The following PLA2G12B variants were observed in gnomAD, a reference collection of about 807,000 sequenced individuals.
PLA2G12B encodes the protein group XIIB secretory phospholipase A2-like protein.
Under a neutral mutation model 22.3 loss-of-function variants are expected in PLA2G12B, and 19 were observed. The ratio of observed to expected loss-of-function variants is 0.85; its 90% CI spans 0.60 to 1.25. The LOEUF (loss-of-function observed/expected upper bound fraction) is 1.25, where lower values mean the gene tolerates loss of function less well. PLA2G12B is among the 50% of genes most tolerant of loss of function. The pLI is 0.00. For synonymous variants in PLA2G12B, 81 were observed against 94.9 expected (o/e 0.85, Z 0.85); for missense variants, 191 against 246.6 (o/e 0.77, Z 1.51).
intron 1 of PLA2G12B, among the ~76,000 whole-genome samples, chr10:72,951,030 T>C (rs2132981113): frequency 6.6e-6 from 1 of 152,352 alleles, no homozygotes; most frequent in South Asian, 2.1e-4. Context: ...TAGAAGAATC[T>C]GAATGCAATT....
intron 1 of PLA2G12B, among the ~76,000 whole-genome samples, chr10:72,945,677 T>A (rs1846429373): frequency 6.6e-6 from 1 of 151,772 alleles, no homozygotes; most frequent in South Asian, 2.1e-4. Flanking sequence ...AGATGGAATC[T>A]CGCTCTGTTG....
chr10:72,943,080 C>T (rs1846387870), intron 1 of PLA2G12B, among the ~76,000 whole-genome samples: 1 of 151,898 alleles, frequency 6.6e-6, no homozygotes, highest in African/African-American at 2.4e-5. Flanking sequence ...ATTCTCCTGC[C>T]TCAGCCTCCC....
intron 1 of PLA2G12B, among the ~76,000 whole-genome samples, chr10:72,949,912 G>A (rs780107820): frequency 3.0e-4 from 46 of 152,274 alleles, no homozygotes; most frequent in Admixed American, 6.5e-4. Context: ...GGAAGGCGGA[G>A]GTTGCAGTGA....
intron 1 of PLA2G12B, 83 bp downstream of exon 1, chr10:72,954,392 T>A: frequency 6.4e-7 from 1 of 1,558,228 alleles, no homozygotes; most frequent in Non-Finnish European, 8.8e-7. Context: ...CAGGAAAAAG[T>A]GCAAGACAGA....
In PLA2G12B at chr10:72,943,452, A is replaced by G. The variant is rs557953951; in HGVS notation, c.212-712T>C. On this transcript the variant is annotated intron_variant, in intron 1 of 3. Transcript: ENST00000373032. Reference sequence around the variant, plus strand: ...GAATCCGAATTGTAGCAGCACCACAAAAGGGTTTAACTTGCAGGAAATTCA... The same window carrying G: ...GAATCCGAATTGTAGCAGCACCACAGAAGGGTTTAACTTGCAGGAAATTCA... Among the ~76,000 whole-genome samples the G allele has an allele frequency of 3.3e-5, 5 of 152,324 alleles. No homozygotes were observed. The East Asian group carries it at 9.6e-4, about 29-fold the overall frequency.
At chr10:72,940,367 A>G (rs1846340096) in intron 3 of PLA2G12B, among the ~76,000 whole-genome samples, 1 of 152,194 alleles carries the variant, frequency 6.6e-6, no homozygotes, top group Admixed American at 6.5e-5. Flanking sequence ...ATTAGGAAAA[A>G]GAAATTATAG....
chr10:72,951,452 C>CTT lies in PLA2G12B; in HGVS notation c.211+3021_211+3022dup, dbSNP rs71482537. On this transcript the variant is annotated intron_variant, in intron 1 of 3. Transcript: ENST00000373032. ...ATCTTGTTTGCATTGGCACAGACTC[C>CTT]TTTTTTTTTTTTTTTTTTTTTTTGA... Among the ~76,000 whole-genome samples, 958 of 116,952 alleles carry CTT rather than the reference C, an allele frequency of 8.2e-3. 25 individuals are homozygous for CTT. Among genetic ancestry groups the CTT allele is most frequent in the African/African-American group, 0.029 (703 of 24,574 alleles). 76.7% of individuals were successfully genotyped at this position (116,952 alleles called of 152,430 possible). A position where few individuals can be genotyped will look rare whatever the true frequency, so the allele number is the denominator to read the frequency against.
chr10:72,947,874 T>C (rs971131047), intron 1 of PLA2G12B, among the ~76,000 whole-genome samples: 1 of 152,198 alleles, frequency 6.6e-6, no homozygotes. Flanking sequence ...TTGTCTTCTC[T>C]TCTTTCTCTT....
At chr10:72,950,018 T>G (rs1444836330) in intron 1 of PLA2G12B, among the ~76,000 whole-genome samples, 2 of 149,610 alleles carry the variant, frequency 1.3e-5, no homozygotes, top group Admixed American at 1.3e-4. Flanking sequence ...GAAAGAAAGG[T>G]ATGTCCTCCT....
chr10:72,951,567 C>T (rs953225583), intron 1 of PLA2G12B, among the ~76,000 whole-genome samples: 1 of 150,566 alleles, frequency 6.6e-6, no homozygotes, highest in Non-Finnish European at 1.5e-5. Flanking sequence ...ACACCATTCT[C>T]CTGCCTCAGC....
intron 1 of PLA2G12B, among the ~76,000 whole-genome samples, chr10:72,946,155 A>G (rs1261594910): frequency 6.6e-6 from 1 of 152,098 alleles, no homozygotes; most frequent in Non-Finnish European, 1.5e-5. Context: ...CACCTCTCCC[A>G]TCTCCCTACC....
intron 2 of PLA2G12B, among the ~76,000 whole-genome samples, chr10:72,942,059 G>A (rs1158225535): frequency 6.6e-6 from 1 of 151,894 alleles, no homozygotes; most frequent in African/African-American, 2.4e-5. Flanking sequence ...CAAGGTGGGT[G>A]GATCACTTGA....
chr10:72,948,157 T>G (rs1181726053), intron 1 of PLA2G12B, among the ~76,000 whole-genome samples: 1 of 152,186 alleles, frequency 6.6e-6, no homozygotes, highest in African/African-American at 2.4e-5. Context: ...GTTACAGGTG[T>G]GAGCCACCTT....
intron 1 of PLA2G12B, among the ~76,000 whole-genome samples, chr10:72,952,184 T>C (rs767702042): frequency 1.7e-4 from 26 of 152,218 alleles, no homozygotes; most frequent in Non-Finnish European, 3.5e-4. Context: ...TTTTAAATAG[T>C]AGTTAGTACC....
At chr10:72,936,248 C>T (rs1394679409) in intron 3 of PLA2G12B, among the ~76,000 whole-genome samples, 1 of 152,162 alleles carries the variant, frequency 6.6e-6, no homozygotes, top group Non-Finnish European at 1.5e-5. Flanking sequence ...AAGTACTCCA[C>T]AGTTTGGATA....
At chr10:72,946,089 C>T (rs114782657) in intron 1 of PLA2G12B, among the ~76,000 whole-genome samples, 183 of 152,248 alleles carry the variant, frequency 1.2e-3, no homozygotes, top group African/African-American at 4.2e-3. Context: ...CCAGTCAACA[C>T]CATAATCTAA....
intron 1 of PLA2G12B, among the ~76,000 whole-genome samples, chr10:72,947,219 C>A (rs1417318321): frequency 6.6e-6 from 1 of 151,712 alleles, no homozygotes. Context: ...GCCACTGTGC[C>A]CTGCTTCTTT....
At chr10:72,951,694 C>G (rs1846534252) in intron 1 of PLA2G12B, among the ~76,000 whole-genome samples, 1 of 152,040 alleles carries the variant, frequency 6.6e-6, no homozygotes, top group Non-Finnish European at 1.5e-5. Context: ...CTCCTGACAT[C>G]GTGATCTGCC....
At chr10:72,938,734 G>T (rs1331138981) in intron 3 of PLA2G12B, among the ~76,000 whole-genome samples, 1 of 152,114 alleles carries the variant, frequency 6.6e-6, no homozygotes, top group African/African-American at 2.4e-5. Context: ...TGTTAAGATG[G>T]CAATATTCTC....
Sources: gnomAD v4.1 joint callset for allele counts (sites outside exome capture counted in the v4.1 genomes callset) on GRCh38, gnomAD v4.1.1 for gene constraint, MANE v1.5 for transcripts, NCBI Gene and HGNC (gene_info 2026-07-23, HGNC 2026-07-21) for gene names.